Variants in CYTL1 observed in about 807,000 individuals in gnomAD.
CYTL1 encodes the protein cytokine like 1.
CYTL1 carries 17 observed loss-of-function variants against 13.1 expected under a neutral mutation model. The ratio of observed to expected loss-of-function variants is 1.29; its 90% confidence interval spans 0.89 to 1.94. CYTL1 has a LOEUF of 1.94. Among genes scored for constraint, CYTL1 ranks in the 30% most tolerant of loss-of-function variants. The pLI is 0.00. For synonymous variants in CYTL1, 91 were observed against 79.4 expected, an observed-to-expected ratio of 1.15 and a Z score of -0.78; for missense variants, 213 against 174.8, an observed-to-expected ratio of 1.22 and a Z score of -1.23.
chr4:5,018,324 AT>A (rs1277246438), intron 1 of CYTL1, among the ~76,000 whole-genome samples: 5 of 152,020 alleles, frequency 3.3e-5, no homozygotes, highest in Non-Finnish European at 7.4e-5. Context: ...TACAAGCAAG[AT>A]TTTTTTTCTT....
intron 3 of CYTL1, among the ~76,000 whole-genome samples, chr4:5,015,891 T>C (rs1741062017): frequency 6.6e-6 from 1 of 152,140 alleles, no homozygotes; most frequent in Non-Finnish European, 1.5e-5. Flanking sequence ...ATTATCCACC[T>C]CATGAGATGG....
chr4:5,017,719 G>C (rs971604892), intron 1 of CYTL1, among the ~76,000 whole-genome samples: 1 of 151,708 alleles, frequency 6.6e-6, no homozygotes, highest in African/African-American at 2.4e-5. Context: ...ACATAAGTAC[G>C]ATATATGTAA....
chr4:5,015,788 G>A (rs992758985), intron 3 of CYTL1, among the ~76,000 whole-genome samples: 3 of 152,280 alleles, frequency 2.0e-5, no homozygotes, highest in Admixed American at 2.0e-4. Context: ...GGCTAGGCAT[G>A]GTGCTAGCAA....
chr4:5,016,824 G>T lies in CYTL1; in HGVS notation c.327+12C>A. 1 of 1,613,986 alleles carries T rather than the reference G, an allele frequency of 6.2e-7. No homozygotes were observed. Among genetic ancestry groups the T allele is most frequent in the South Asian group, 1.1e-5 (1 of 91,060 alleles). On this transcript the variant is annotated intron_variant, in intron 3 of 3. Coordinates refer to ENST00000307746, the MANE Select transcript of CYTL1 (RefSeq NM_018659.3). ...GCAAGTAGAAAATAGACTTTCAATG[G>T]CATCCACTTACTCTCCTGCAGAACG...
intron 1 of CYTL1, among the ~76,000 whole-genome samples, chr4:5,018,201 T>TACACAC (rs541050159): frequency 6.6e-6 from 1 of 151,544 alleles, no homozygotes; most frequent in African/African-American, 2.4e-5. Context: ...AAATTTTGTT[T>TACACAC]ACACACACAC....
chr4:5,016,772 G>A, intron 3 of CYTL1, 64 bp downstream of exon 3: 1 of 1,595,162 alleles, frequency 6.3e-7, no homozygotes, highest in Non-Finnish European at 8.6e-7. Context: ...TCTCCTCTTT[G>A]AAAAGCTCAG....
chr4:5,015,004 G>C lies in CYTL1; in HGVS notation c.*147C>G. On this transcript the variant is annotated 3_prime_UTR_variant, in exon 4 of 4. Transcript: ENST00000307746. Reference sequence around the variant, plus strand: ...AGGAGGTTCCTGGGTAGGAATACCAGCCCTGTTTTCCAGAAGGTAGAGAGA... The same window carrying C: ...AGGAGGTTCCTGGGTAGGAATACCACCCCTGTTTTCCAGAAGGTAGAGAGA... The C allele has an allele frequency of 1.4e-6, 1 of 724,438 alleles. No individual in the cohort carries two copies. Among genetic ancestry groups the C allele is most frequent in the South Asian group, 1.6e-5 (1 of 63,732 alleles). 44.9% of individuals were successfully genotyped at this position (724,438 alleles called of 1,614,324 possible).
chr4:5,019,049 G>GAA (rs1741140097), intron 1 of CYTL1, among the ~76,000 whole-genome samples: 1 of 61,420 alleles, frequency 1.6e-5, no homozygotes, highest in Non-Finnish European at 3.0e-5. Context: ...CAGATCCTTT[G>GAA]ATATTTGCTA....
rs1741038913 is a variant in CYTL1 at position 5,015,037 on chromosome 4, C to A, written c.*114G>T. ...TTCCAGAAGGTAGAGAGATACATAACAGTTTCAGATACAACTAACACAAGA... is the reference window on the plus strand; with the variant it reads ...TTCCAGAAGGTAGAGAGATACATAAAAGTTTCAGATACAACTAACACAAGA... On this transcript the variant is annotated 3_prime_UTR_variant, in exon 4 of 4. Transcript: ENST00000307746. The A allele has an allele frequency of 1.2e-6, 1 of 867,528 alleles. No individual in the cohort carries two copies. The highest frequency in any genetic ancestry group is 2.0e-5 in the Admixed American group (1 of 49,930). 53.7% of individuals were successfully genotyped at this position (867,528 alleles called of 1,614,324 possible). A position where few individuals can be genotyped will look rare whatever the true frequency, so the allele number is the denominator to read the frequency against.
Position 5,017,137 on chromosome 4 carries a change from G to A in CYTL1, c.196C>T (p.His66Tyr), listed in dbSNP as rs1486398719. ...RYLPRLYLDI[H>Y]NYCVLDKLRD... is the part of the protein sequence containing the mutation. ...TCCCCCAGGGAGAACCCTCTTACGTGTATGTCCAGGTACAGCCTGGGCAGG... is the reference window on the plus strand; with the variant it reads ...TCCCCCAGGGAGAACCCTCTTACGTATATGTCCAGGTACAGCCTGGGCAGG... The change falls in exon 2 of 4, where the codon CAC becomes TAC. Residue 66 changes from histidine (H) to tyrosine (Y), a missense_variant and splice_region_variant. Coordinates refer to ENST00000307746, the MANE Select transcript of CYTL1 (RefSeq NM_018659.3). 4.3e-6 allele frequency: 7 copies of A among 1,613,838 alleles called. No homozygotes were observed. The highest frequency in any genetic ancestry group is 3.3e-5 in the South Asian group (3 of 91,050).
chr4:5,016,580 A>C (rs1207999590), intron 3 of CYTL1, among the ~76,000 whole-genome samples: 2 of 152,150 alleles, frequency 1.3e-5, no homozygotes, highest in African/African-American at 4.8e-5. Flanking sequence ...GAGTCTATCT[A>C]TGTGGCTGGG....
At chr4:5,016,307 C>T (rs891942696) in intron 3 of CYTL1, among the ~76,000 whole-genome samples, 38 of 152,120 alleles carry the variant, frequency 2.5e-4, no homozygotes, top group Admixed American at 1.9e-3. Flanking sequence ...AAATAACTGA[C>T]CCAGTCTGTG....
intron 3 of CYTL1, 134 bp downstream of exon 3, chr4:5,016,702 G>T (rs1741079682): frequency 1.7e-6 from 2 of 1,143,080 alleles, no homozygotes; most frequent in Admixed American, 4.1e-5. Context: ...AGGGCTTTGT[G>T]AACTGAAAGC....
Position 5,016,832 on chromosome 4 carries a change from T to C in CYTL1, c.327+4A>G, listed in dbSNP as rs377160302. On this transcript the variant is annotated splice_donor_region_variant and intron_variant, in intron 3 of 3. Coordinates refer to ENST00000307746, the MANE Select transcript of CYTL1 (RefSeq NM_018659.3). ...AAAATAGACTTTCAATGGCATCCAC[T>C]TACTCTCCTGCAGAACGAGTTCATG... 77 of 1,614,166 alleles carry C rather than the reference T, an allele frequency of 4.8e-5. No individual in the cohort carries two copies. In the Admixed American group the frequency reaches 1.2e-3, roughly 25 times the overall value.
intron 3 of CYTL1, among the ~76,000 whole-genome samples, chr4:5,016,291 T>C (rs1289984786): frequency 6.6e-6 from 1 of 152,172 alleles, no homozygotes; most frequent in Admixed American, 6.5e-5. Context: ...AACATCTTTT[T>C]TTAAAAAATA....
chr4:5,018,608 C>T (rs1741128476), intron 1 of CYTL1, among the ~76,000 whole-genome samples: 1 of 152,202 alleles, frequency 6.6e-6, no homozygotes, highest in Non-Finnish European at 1.5e-5. Context: ...TCCCCAAAAG[C>T]CCTCCCGGGT....
At chr4:5,016,763 C>G (rs932997757) in intron 3 of CYTL1, 73 bp downstream of exon 3, 3 of 1,575,846 alleles carry the variant, frequency 1.9e-6, no homozygotes, top group Admixed American at 3.4e-5. Flanking sequence ...CCTCCCAACT[C>G]TCCTCTTTGA....
chr4:5,015,313 A>T (rs1298884397), intron 3 of CYTL1, 79 bp from the exon 4 acceptor site: 3 of 1,105,484 alleles, frequency 2.7e-6, no homozygotes, highest in Non-Finnish European at 4.1e-6. Context: ...GCTCTTGGTT[A>T]TCCTCAAAGG....
intron 3 of CYTL1, among the ~76,000 whole-genome samples, chr4:5,016,480 T>A (rs182423216): frequency 1.3e-5 from 2 of 152,300 alleles, no homozygotes; most frequent in East Asian, 3.9e-4. Flanking sequence ...TCTGTCCTTT[T>A]ACCCTCTCCT....
Sources: gnomAD v4.1 joint callset for allele counts (sites outside exome capture counted in the v4.1 genomes callset) on GRCh38, gnomAD v4.1.1 for gene constraint, MANE v1.5 for transcripts, NCBI Gene and HGNC (gene_info 2026-07-23, HGNC 2026-07-21) for gene names.